Variants in GAS7 observed in about 807,000 individuals in gnomAD.
GAS7 encodes the protein growth arrest-specific protein 7.
In GAS7, 28 loss-of-function variants were observed where a neutral mutation model predicts 71.1. The ratio of observed to expected loss-of-function variants is 0.39; its 90% CI spans 0.29 to 0.54. The LOEUF (loss-of-function observed/expected upper bound fraction) is 0.54. GAS7 is among the 20% of genes least tolerant of loss of function. The pLI is 0.62. For synonymous variants in GAS7, 258 were observed against 245.8 expected (o/e 1.05, Z -0.46); for missense variants, 436 against 627.8 (o/e 0.69, Z 3.27).
intron 1 of GAS7, among the ~76,000 whole-genome samples, chr17:10,179,739 A>G (rs934508908): frequency 6.6e-6 from 1 of 152,200 alleles, no homozygotes; most frequent in Non-Finnish European, 1.5e-5. Context: ...AGACAAACAG[A>G]ACCAAGATTG....
intron 1 of GAS7, among the ~76,000 whole-genome samples, chr17:10,111,301 G>A (rs182170832): frequency 4.8e-3 from 86 of 17,946 alleles, no homozygotes; most frequent in African/African-American, 0.021. Context: ...TTGGGAGGCC[G>A]AGGTGGGCGG....
In GAS7 at chr17:9,997,575, C is replaced by A. The variant is rs181289825; in HGVS notation, c.305-15691G>T. ...CCAGCAAGTCTCCAGCGGACACAAG[C>A]AGAGTGTCCTACAACTTAAATCGAT... On this transcript the variant is annotated intron_variant, in intron 2 of 13. Transcript: ENST00000432992. 2.0e-5 allele frequency among the ~76,000 whole-genome samples: 3 copies of A among 152,304 alleles called. No homozygotes were observed. The East Asian group carries it at 5.8e-4, about 29-fold the overall frequency.
chr17:10,110,053 C>CAAAAA (rs956917519), intron 1 of GAS7, among the ~76,000 whole-genome samples: 1 of 73,516 alleles, frequency 1.4e-5, no homozygotes, highest in African/African-American at 5.5e-5. Context: ...GGCTCCGTCT[C>CAAAAA]AAAAAAAAAA....
rs889391189 is a variant in GAS7 at position 9,959,460 on chromosome 17, A to G, written c.472-205T>C. 23 of 1,430,066 alleles carry G rather than the reference A, an allele frequency of 1.6e-5. No individual in the cohort carries two copies. The highest frequency in any genetic ancestry group is 4.3e-5 in the African/African-American group (3 of 69,558). 88.6% of individuals were successfully genotyped at this position (1,430,066 alleles called of 1,614,324 possible). ...CGCCCAGCTCTCGGGCTGAAGGCGA[A>G]TTAAGGAAGCCTCCTGCACAGGCTC... On this transcript the variant is annotated intron_variant, in intron 4 of 13. Transcript: ENST00000432992. The surrounding 1 kb of genome is among the most constrained non-coding windows in gnomAD (Gnocchi z 5.0).
chr17:10,097,378 G>C (rs1418729268), intron 1 of GAS7, among the ~76,000 whole-genome samples: 3 of 152,146 alleles, frequency 2.0e-5, no homozygotes, highest in African/African-American at 4.8e-5. Flanking sequence ...CCCCGGATGG[G>C]GTTACTCAGT....
intron 11 of GAS7, among the ~76,000 whole-genome samples, chr17:9,920,781 A>G (rs897412558): frequency 2.0e-5 from 3 of 152,224 alleles, no homozygotes; most frequent in African/African-American, 7.2e-5. Flanking sequence ...CTCACGATGG[A>G]AAAAGCTCAT....
chr17:10,132,658 C>T (rs2074005970), intron 1 of GAS7, among the ~76,000 whole-genome samples: 1 of 152,014 alleles, frequency 6.6e-6, no homozygotes, highest in African/African-American at 2.4e-5. Context: ...GTCCTAGCTG[C>T]TTGGGAGGCT....
intron 1 of GAS7, among the ~76,000 whole-genome samples, chr17:10,051,541 G>A (rs2073062810): frequency 6.6e-6 from 1 of 152,198 alleles, no homozygotes; most frequent in Admixed American, 6.5e-5. Context: ...AAAGCCATTA[G>A]ACAAAGAGAA....
intron 1 of GAS7, among the ~76,000 whole-genome samples, chr17:10,054,081 G>C (rs772333006): frequency 3.3e-5 from 5 of 152,098 alleles, no homozygotes; most frequent in African/African-American, 4.8e-5. Flanking sequence ...AAGACGGTCT[G>C]TTCTAAATCG....
At chr17:10,083,159 T>TA (rs1404720890) in intron 1 of GAS7, among the ~76,000 whole-genome samples, 2 of 152,260 alleles carry the variant, frequency 1.3e-5, no homozygotes, top group Non-Finnish European at 2.9e-5. Flanking sequence ...AAGTTGATTT[T>TA]AAAAATACGA....
rs540779280 is a variant in GAS7 at position 10,103,409 on chromosome 17, C to T, written c.184-83512G>A. Among the ~76,000 whole-genome samples, 8 of 152,286 alleles carry T rather than the reference C, an allele frequency of 5.3e-5. No individual in the cohort carries two copies. Among genetic ancestry groups the T allele is most frequent in the Admixed American group, 2.0e-4 (3 of 15,282 alleles). Reference sequence around the variant, plus strand: ...TTTGCACATTTAAATTTGAGAAGCACAGCTCATGCCATCTAGCGACCCTAC... The same window carrying T: ...TTTGCACATTTAAATTTGAGAAGCATAGCTCATGCCATCTAGCGACCCTAC... On this transcript the variant is annotated intron_variant, in intron 1 of 13. Coordinates refer to ENST00000432992, the MANE Select transcript of GAS7 (RefSeq NM_201433.2). This position sits in a 1 kb window ranked among gnomAD's most constrained non-coding sequence, Gnocchi z 5.5.
intron 1 of GAS7, among the ~76,000 whole-genome samples, chr17:10,123,223 C>T (rs1473616933): frequency 6.6e-6 from 1 of 152,224 alleles, no homozygotes; most frequent in Non-Finnish European, 1.5e-5. Flanking sequence ...GTTTGTCATC[C>T]TACTTAGAGC....
chr17:10,028,231 G>A (rs1218190110), intron 1 of GAS7, among the ~76,000 whole-genome samples: 2 of 152,182 alleles, frequency 1.3e-5, no homozygotes, highest in East Asian at 3.9e-4. Flanking sequence ...AAATTTAGCT[G>A]TGCATGGTGG....
chr17:10,089,250 A>G (rs1192789147), intron 1 of GAS7, among the ~76,000 whole-genome samples: 1 of 152,216 alleles, frequency 6.6e-6, no homozygotes, highest in African/African-American at 2.4e-5. Flanking sequence ...CCCAGAGTGA[A>G]AAACTAAATG....
intron 1 of GAS7, among the ~76,000 whole-genome samples, chr17:10,029,722 C>T (rs2072563251): frequency 6.6e-6 from 1 of 152,022 alleles, no homozygotes; most frequent in Non-Finnish European, 1.5e-5. Context: ...CGTGGTGGTG[C>T]ACACCTTTAG....
chr17:10,019,710 AC>A (rs1426748249), intron 2 of GAS7, 66 bp downstream of exon 2: 1 of 1,495,196 alleles, frequency 6.7e-7, no homozygotes, highest in Non-Finnish European at 9.1e-7. Flanking sequence ...GGGAGAAAAA[AC>A]GTGCCCCTCT....
chr17:10,080,678 C>A (rs1203775517), intron 1 of GAS7, among the ~76,000 whole-genome samples: 1 of 152,174 alleles, frequency 6.6e-6, no homozygotes, highest in East Asian at 1.9e-4. Context: ...GGAGATCTTT[C>A]TTCTCAAATT....
rs1567867661 is a variant in GAS7, at chr17:9,995,383, A to AT, written c.305-13500_305-13499insA. On this transcript the variant is annotated intron_variant, in intron 2 of 13. Transcript: ENST00000432992. ...CATGTAGATAAAAAGAAAGATAAAG[A>AT]GACGAGGGAAAGACCAAGAAGGGGG... Among the ~76,000 whole-genome samples the AT allele has an allele frequency of 4.6e-5, 7 of 152,304 alleles. No homozygotes were observed. In the East Asian group the frequency reaches 1.4e-3, roughly 29 times the overall value.
chr17:10,094,081 A>G (rs2073616635), intron 1 of GAS7, among the ~76,000 whole-genome samples: 1 of 152,204 alleles, frequency 6.6e-6, no homozygotes, highest in South Asian at 2.1e-4. Flanking sequence ...GCACAGACCT[A>G]TGGCAGCTGC....
Sources: gnomAD v4.1 joint callset for allele counts (sites outside exome capture counted in the v4.1 genomes callset) on GRCh38, gnomAD v4.1.1 for gene constraint, Gnocchi (gnomAD v3.1) non-coding constraint, MANE v1.5 for transcripts, NCBI Gene and HGNC (gene_info 2026-07-23, HGNC 2026-07-21) for gene names.